Variants in AGAP1 observed in about 807,000 individuals in gnomAD.
AGAP1 encodes the protein ArfGAP with GTPase domain, ankyrin repeat and PH domain 1, also known as arf-GAP with GTPase, ANK repeat and PH domain-containing protein 1.
In AGAP1, 29 loss-of-function variants were observed where a neutral mutation model predicts 105.3. The observed-to-expected ratio is 0.28, with a 90% CI of 0.21 to 0.38. The LOEUF (loss-of-function observed/expected upper bound fraction) is 0.38, where lower values mean the gene tolerates loss of function less well. AGAP1 is among the 10% of genes least tolerant of loss of function. The pLI, the probability that AGAP1 is intolerant of heterozygous loss-of-function variation, is 1.00. For synonymous variants in AGAP1, 509 were observed against 485.9 expected, an observed-to-expected ratio of 1.05 and a Z score of -0.63; for missense variants, 998 against 1,165.1, an observed-to-expected ratio of 0.86 and a Z score of 2.09.
chr2:236,043,769 T>C (rs1413052011), intron 15 of AGAP1, among the ~76,000 whole-genome samples: 1 of 151,330 alleles, frequency 6.6e-6, no homozygotes, highest in Non-Finnish European at 1.5e-5. Context: ...ATAAAGAAAC[T>C]TCATAATGTG....
At chr2:235,619,378 C>A in intron 1 of AGAP1, among the ~76,000 whole-genome samples, 1 of 143,212 alleles carries the variant, frequency 7.0e-6, no homozygotes, top group Non-Finnish European at 1.5e-5. Flanking sequence ...AATCCTGGGG[C>A]TGAAGTGGGG....
intron 9 of AGAP1, among the ~76,000 whole-genome samples, chr2:235,818,193 C>T (rs898890840): frequency 6.6e-6 from 1 of 152,182 alleles, no homozygotes; most frequent in Non-Finnish European, 1.5e-5. Flanking sequence ...TTGTACATTA[C>T]GTTGGTTGCT....
At chr2:235,530,163 G>GA (rs1942992544) in intron 1 of AGAP1, among the ~76,000 whole-genome samples, 1 of 152,136 alleles carries the variant, frequency 6.6e-6, no homozygotes, top group African/African-American at 2.4e-5. Context: ...AGCTGCAGTT[G>GA]GCCTCAAATG....
Position 235,958,245 on chromosome 2 carries a change from A to G in AGAP1, c.1484-10217A>G, listed in dbSNP as rs541001641. On this transcript the variant is annotated intron_variant, in intron 12 of 17. Coordinates refer to ENST00000304032, the MANE Select transcript of AGAP1 (RefSeq NM_001037131.3). The surrounding 1 kb of genome is among the most constrained non-coding windows in gnomAD (Gnocchi z 4.1). The stretch of plus-strand genomic sequence containing the variant: ...CATCAAACTACGTCCCCTGAGGGAG[A>G]GTGGTTGGAGGTGTTTCTGGAGGGC... Among the ~76,000 whole-genome samples the G allele has an allele frequency of 2.0e-5, 3 of 152,052 alleles. No homozygotes were observed. The highest frequency in any genetic ancestry group is 4.8e-5 in the African/African-American group (2 of 41,490).
At position 236,002,054 on chromosome 2, in the gene AGAP1, C is replaced by A. The variant is rs1305627603; in HGVS notation, c.1645+33431C>A. Among the ~76,000 whole-genome samples the A allele has an allele frequency of 6.6e-6, 1 of 152,182 alleles. No homozygotes were observed. Among genetic ancestry groups the A allele is most frequent in the Non-Finnish European group, 1.5e-5 (1 of 68,042 alleles). ...GAGGACACCATGAGAAACAGCTAGA[C>A]TTGGGATGTCTGTGTTGACAGGGCC... is the stretch of plus-strand genomic sequence containing the variant. On this transcript the variant is annotated intron_variant, in intron 13 of 17. Coordinates refer to ENST00000304032, the MANE Select transcript of AGAP1 (RefSeq NM_001037131.3). The surrounding 1 kb of genome is among the most constrained non-coding windows in gnomAD (Gnocchi z 4.3).
chr2:235,496,276 C>G (rs1015692404), intron 1 of AGAP1, among the ~76,000 whole-genome samples: 1 of 152,104 alleles, frequency 6.6e-6, no homozygotes, highest in Non-Finnish European at 1.5e-5. Flanking sequence ...GGGTCCTAGC[C>G]CTTTGTGTGT....
At position 236,002,211 on chromosome 2, in the gene AGAP1, G is replaced by A. The variant is rs2056150920; in HGVS notation, c.1645+33588G>A. Among the ~76,000 whole-genome samples, 1 of 152,206 alleles carries A rather than the reference G, an allele frequency of 6.6e-6. No homozygotes were observed. The highest frequency in any genetic ancestry group is 1.5e-5 in the Non-Finnish European group (1 of 68,040). On this transcript the variant is annotated intron_variant, in intron 13 of 17. Transcript: ENST00000304032. The surrounding 1 kb of genome is among the most constrained non-coding windows in gnomAD (Gnocchi z 4.3). ...AGACTCGTTGAGAACATGTGTGGTA[G>A]GCACGTGCTGGGCACTGAAAATAAA...
rs1241897975 is a variant in AGAP1 at position 235,614,134 on chromosome 2, A to T, written c.164-95045A>T. ...TTGTACATCTGCGAATGTGCTAGAT[A>T]CCCTACTGGTGCTGGTGAGCAGAAA... On this transcript the variant is annotated intron_variant, in intron 1 of 17. Coordinates refer to ENST00000304032, the MANE Select transcript of AGAP1 (RefSeq NM_001037131.3). The surrounding 1 kb of genome is among the most constrained non-coding windows in gnomAD (Gnocchi z 4.7). Among the ~76,000 whole-genome samples the T allele has an allele frequency of 6.6e-6, 1 of 152,102 alleles. No individual in the cohort carries two copies. The highest frequency in any genetic ancestry group is 1.5e-5 in the Non-Finnish European group (1 of 68,028).
In AGAP1 at chr2:235,845,513, G is replaced by A. The variant is rs1422430673; in HGVS notation, c.1051-37832G>A. 2.0e-5 allele frequency among the ~76,000 whole-genome samples: 3 copies of A among 152,024 alleles called. No individual in the cohort carries two copies. The highest frequency in any genetic ancestry group is 1.3e-4 in the Admixed American group (2 of 15,264). On this transcript the variant is annotated intron_variant, in intron 9 of 17. Coordinates refer to ENST00000304032, the MANE Select transcript of AGAP1 (RefSeq NM_001037131.3). The surrounding 1 kb of genome is among the most constrained non-coding windows in gnomAD (Gnocchi z 4.8). Reference sequence around the variant, plus strand: ...CTGAGGACACCCCATTCTTAGCTGTGGGGTCACCACTATCCACCGACAGCC... The same window carrying A: ...CTGAGGACACCCCATTCTTAGCTGTAGGGTCACCACTATCCACCGACAGCC...
At chr2:235,674,772 T>C (rs1318786009) in intron 1 of AGAP1, among the ~76,000 whole-genome samples, 5 of 146,960 alleles carry the variant, frequency 3.4e-5, no homozygotes, top group African/African-American at 1.3e-4. Context: ...CACTGCAACC[T>C]CCCCCTCCCA....
intron 3 of AGAP1, among the ~76,000 whole-genome samples, chr2:235,727,757 G>T (rs1220273662): frequency 6.6e-6 from 1 of 152,254 alleles, no homozygotes. Context: ...CTCTCAGGAG[G>T]TACCCATATT....
chr2:235,968,329 A>G, intron 12 of AGAP1, 133 bp from the exon 13 acceptor site: 2 of 1,209,038 alleles, frequency 1.7e-6, no homozygotes, highest in Non-Finnish European at 2.2e-6. Context: ...TCAGCAATAC[A>G]GTAATGGGAT....
intron 16 of AGAP1, among the ~76,000 whole-genome samples, chr2:236,064,318 C>T (rs1444737254): frequency 6.6e-6 from 1 of 152,006 alleles, no homozygotes; most frequent in Non-Finnish European, 1.5e-5. Flanking sequence ...TTTGCTCTGC[C>T]GTGGCTCGCG....
At position 236,090,651 on chromosome 2, in the gene AGAP1, G is replaced by C. The variant is rs1002824618; in HGVS notation, c.2115-29541G>C. On this transcript the variant is annotated intron_variant, in intron 16 of 17. Coordinates refer to ENST00000304032, the MANE Select transcript of AGAP1 (RefSeq NM_001037131.3). This position sits in a 1 kb window ranked among gnomAD's most constrained non-coding sequence, Gnocchi z 4.3. ...GGATATTGAAAGCTAGCAGGGAGGG[G>C]GTCTTCCTGGTTATACGGCCCAGCT... Among the ~76,000 whole-genome samples the C allele has an allele frequency of 1.3e-5, 2 of 152,098 alleles. No individual in the cohort carries two copies. The highest frequency in any genetic ancestry group is 2.9e-5 in the Non-Finnish European group (2 of 68,030).
rs184540497 is a variant in AGAP1 at position 235,959,042 on chromosome 2, G to A, written c.1484-9420G>A. On this transcript the variant is annotated intron_variant, in intron 12 of 17. Transcript: ENST00000304032. This position sits in a 1 kb window ranked among gnomAD's most constrained non-coding sequence, Gnocchi z 7.3. ...TGCCGGCCCATCCCGGCTCAGCGCC[G>A]CGCAGCTCGGGACCCCAGTCCCTCC... is the stretch of plus-strand genomic sequence containing the variant. Among the ~76,000 whole-genome samples the A allele has an allele frequency of 2.0e-5, 3 of 152,090 alleles. No homozygotes were observed. The highest frequency in any genetic ancestry group is 1.3e-4 in the Admixed American group (2 of 15,284).
intron 5 of AGAP1, among the ~76,000 whole-genome samples, chr2:235,745,227 G>A (rs1952837854): frequency 6.6e-6 from 1 of 152,058 alleles, no homozygotes; most frequent in South Asian, 2.1e-4. Flanking sequence ...ATCTATTAAA[G>A]CTTATCTTTC....
intron 1 of AGAP1, among the ~76,000 whole-genome samples, chr2:235,512,322 T>C (rs891785029): frequency 1.3e-5 from 2 of 152,178 alleles, no homozygotes; most frequent in African/African-American, 4.8e-5. Context: ...ATTGGCCAGG[T>C]GCATTGGCTC....
chr2:235,796,213 CA>C (rs1469152174), intron 6 of AGAP1, among the ~76,000 whole-genome samples: 1 of 152,172 alleles, frequency 6.6e-6, no homozygotes, highest in Non-Finnish European at 1.5e-5. Context: ...CTCACCCAGG[CA>C]ATTATGATTT....
intron 9 of AGAP1, among the ~76,000 whole-genome samples, chr2:235,858,376 A>G (rs989061548): frequency 2.4e-5 from 3 of 126,498 alleles, no homozygotes. Context: ...AGGGCTGCTT[A>G]CTGATTAAAA....
Sources: allele counts gnomAD v4.1 joint callset (sites outside exome capture counted in the v4.1 genomes callset), GRCh38; gene constraint gnomAD v4.1.1; non-coding constraint Gnocchi (gnomAD v3.1); transcripts MANE v1.5; gene names NCBI Gene and HGNC (gene_info 2026-07-23, HGNC 2026-07-21).